ACTR3B: variants seen among roughly 807,000 people sequenced by gnomAD.
The protein encoded by ACTR3B is actin related protein 3B, also known as actin-related protein 3B.
A neutral mutation model predicts 59.0 loss-of-function variants in ACTR3B; 8 were observed. That is an observed-to-expected ratio of 0.14 (90% CI 0.08 to 0.24). The LOEUF (loss-of-function observed/expected upper bound fraction) is 0.24, where lower values mean the gene tolerates loss of function less well. Among genes scored for constraint, ACTR3B ranks in the 10% least tolerant of loss-of-function variants. The pLI, the probability that ACTR3B is intolerant of heterozygous loss-of-function variation, is 1.00. For missense variants in ACTR3B, 245 were observed against 552.3 expected (o/e 0.44, Z 5.58); for synonymous variants, 148 against 197.9 (o/e 0.75, Z 2.12).
At position 152,797,513 on chromosome 7, in the gene ACTR3B, A is replaced by G. The variant is rs2098221447; in HGVS notation, c.101-3018A>G. Among the ~76,000 whole-genome samples, 4 of 152,226 alleles carry G rather than the reference A, an allele frequency of 2.6e-5. No individual in the cohort carries two copies. The South Asian group carries it at 8.3e-4, about 31-fold the overall frequency. On this transcript the variant is annotated intron_variant, in intron 2 of 11. Transcript: ENST00000256001. The stretch of plus-strand genomic sequence containing the variant: ...CTAATTAACAAATGCATTACTTCAT[A>G]TAGTCATCATTTTTGTGGTGAGAGC...
chr7:152,818,344 A>T (rs1012657092), intron 6 of ACTR3B, among the ~76,000 whole-genome samples: 9 of 152,254 alleles, frequency 5.9e-5, no homozygotes, highest in African/African-American at 2.2e-4. Context: ...AAATTACATT[A>T]GTCATTGAAA....
intron 1 of ACTR3B, among the ~76,000 whole-genome samples, chr7:152,781,493 A>T (rs1000293394): frequency 6.6e-6 from 1 of 152,166 alleles, no homozygotes; most frequent in Admixed American, 6.5e-5. Flanking sequence ...TGTTCTGGGC[A>T]GCGTGTGGAA....
chr7:152,761,702 A>G lies in ACTR3B; in HGVS notation c.44+1776A>G, dbSNP rs117941435. The stretch of plus-strand genomic sequence containing the variant: ...CATATGAATTCCCCATATCGAGTGT[A>G]TGGCCAGAAGGAGCCTGAAAGAGCC... On this transcript the variant is annotated intron_variant, in intron 1 of 11. Transcript: ENST00000256001. Among the ~76,000 whole-genome samples, 1,398 of 152,314 alleles carry G rather than the reference A, an allele frequency of 9.2e-3. 14 individuals are homozygous for G. The highest frequency in any genetic ancestry group is 0.015 in the Non-Finnish European group (1,051 of 68,020).
intron 9 of ACTR3B, among the ~76,000 whole-genome samples, chr7:152,847,016 G>T (rs926504228): frequency 4.7e-5 from 7 of 148,454 alleles, no homozygotes; most frequent in African/African-American, 1.8e-4. Flanking sequence ...GAGCTCTAGT[G>T]CCCGGGCTGT....
intron 6 of ACTR3B, among the ~76,000 whole-genome samples, chr7:152,818,172 G>T (rs557976356): frequency 6.6e-6 from 1 of 152,282 alleles, no homozygotes; most frequent in African/African-American, 2.4e-5. Flanking sequence ...TGAGGCCCCC[G>T]TAGGCCCCTG....
intron 1 of ACTR3B, among the ~76,000 whole-genome samples, chr7:152,768,867 T>A (rs2098117404): frequency 6.6e-6 from 1 of 151,796 alleles, no homozygotes; most frequent in African/African-American, 2.4e-5. Context: ...TTTTTTTTTT[T>A]AATTGAGACC....
intron 1 of ACTR3B, among the ~76,000 whole-genome samples, chr7:152,760,273 C>T (rs889125714): frequency 1.3e-5 from 2 of 152,196 alleles, no homozygotes; most frequent in Non-Finnish European, 2.9e-5. Flanking sequence ...CTGAGGGACA[C>T]CGGGAGCGCG....
chr7:152,854,659 C>A lies in ACTR3B; in HGVS notation c.*106C>A. The A allele has an allele frequency of 8.4e-7, 1 of 1,194,294 alleles. No homozygotes were observed. The highest frequency in any genetic ancestry group is 1.2e-6 in the Non-Finnish European group (1 of 824,874). 74.0% of individuals were successfully genotyped at this position (1,194,294 alleles called of 1,614,324 possible). ...TAAATAGCGACGTCGGTGTTGCTGC[C>A]CAGCAGCGTGCTTGCATTGCCGGTG... On this transcript the variant is annotated 3_prime_UTR_variant, in exon 12 of 12. Coordinates refer to ENST00000256001, the MANE Select transcript of ACTR3B (RefSeq NM_020445.6). The surrounding 1 kb of genome is among the most constrained non-coding windows in gnomAD (Gnocchi z 4.9).
chr7:152,852,066 G>GGC (rs1463453562), intron 9 of ACTR3B, 60 bp from the exon 10 acceptor site: 204 of 1,612,702 alleles, frequency 1.3e-4, no homozygotes, highest in South Asian at 1.0e-3. Context: ...GTTGTGGGTG[G>GGC]TTCCCGGAAC....
intron 4 of ACTR3B, among the ~76,000 whole-genome samples, chr7:152,804,063 C>T (rs2098244804): frequency 6.6e-6 from 1 of 152,132 alleles, no homozygotes; most frequent in Non-Finnish European, 1.5e-5. Flanking sequence ...ACAGAATTAT[C>T]CTTTCTGATG....
chr7:152,768,027 C>G (rs1307041520), intron 1 of ACTR3B, among the ~76,000 whole-genome samples: 1 of 152,226 alleles, frequency 6.6e-6, no homozygotes, highest in Non-Finnish European at 1.5e-5. Context: ...TTGAGACCAG[C>G]TTGGCCAACA....
chr7:152,780,638 A>G (rs1018488846), intron 1 of ACTR3B, among the ~76,000 whole-genome samples: 1 of 151,278 alleles, frequency 6.6e-6, no homozygotes, highest in African/African-American at 2.4e-5. Context: ...CATAGTTATG[A>G]TTTCAGGGTA....
intron 1 of ACTR3B, among the ~76,000 whole-genome samples, chr7:152,779,740 T>C (rs940214737): frequency 6.6e-6 from 1 of 152,206 alleles, no homozygotes; most frequent in Non-Finnish European, 1.5e-5. Flanking sequence ...GCGTACTTTT[T>C]AGATGACATC....
chr7:152,801,112 C>T (rs552265858), intron 3 of ACTR3B, among the ~76,000 whole-genome samples: 1 of 152,270 alleles, frequency 6.6e-6, no homozygotes, highest in Non-Finnish European at 1.5e-5. Flanking sequence ...ATAGGTCTTA[C>T]TCTGTCATCC....
At chr7:152,773,272 G>A (rs1391195913) in intron 1 of ACTR3B, among the ~76,000 whole-genome samples, 1 of 151,692 alleles carries the variant, frequency 6.6e-6, no homozygotes, top group East Asian at 1.9e-4. Context: ...GAAAGTAAAA[G>A]GTTGGAAAAA....
chr7:152,848,306 C>A (rs936161077), intron 9 of ACTR3B, among the ~76,000 whole-genome samples: 10 of 152,168 alleles, frequency 6.6e-5, no homozygotes, highest in African/African-American at 2.4e-4. Flanking sequence ...CCCAGGCTTC[C>A]TTGGGGCACT....
intron 9 of ACTR3B, among the ~76,000 whole-genome samples, chr7:152,835,220 CCCCAGCCCCTGCGT>C (rs1797353018): frequency 1.3e-5 from 2 of 152,178 alleles, no homozygotes; most frequent in Admixed American, 1.3e-4. Flanking sequence ...TGCACTCATT[CCCCAGCCCCTGCGT>C]CCTCAGGTGC....
chr7:152,843,539 G>T (rs1017234243), intron 9 of ACTR3B, among the ~76,000 whole-genome samples: 3 of 152,126 alleles, frequency 2.0e-5, no homozygotes, highest in African/African-American at 7.2e-5. Context: ...TAAAAGAAAT[G>T]AATTTATATA....
chr7:152,788,315 A>C (rs1490685473), intron 2 of ACTR3B, among the ~76,000 whole-genome samples: 1 of 151,682 alleles, frequency 6.6e-6, no homozygotes, highest in Non-Finnish European at 1.5e-5. Flanking sequence ...ACTTTCATGG[A>C]TAGGAATTGA....
Sources: gnomAD v4.1 joint callset for allele counts (sites outside exome capture counted in the v4.1 genomes callset) on GRCh38, gnomAD v4.1.1 for gene constraint, Gnocchi (gnomAD v3.1) non-coding constraint, MANE v1.5 for transcripts, NCBI Gene and HGNC (gene_info 2026-07-23, HGNC 2026-07-21) for gene names.